DOCK1: variants seen among roughly 807,000 people sequenced by gnomAD.
The protein encoded by DOCK1 is dedicator of cytokinesis protein 1.
Under a neutral mutation model 262.7 loss-of-function variants are expected in DOCK1, and 138 were observed. That is an observed-to-expected ratio of 0.53 (90% CI 0.46 to 0.61). The LOEUF (loss-of-function observed/expected upper bound fraction) is 0.61, where lower values mean the gene tolerates loss of function less well. Among genes scored for constraint, DOCK1 ranks in the 20% least tolerant of loss-of-function variants. The pLI, the probability that DOCK1 is intolerant of heterozygous loss-of-function variation, is 0.00. For missense variants in DOCK1, 1,908 were observed against 2,370.7 expected, an observed-to-expected ratio of 0.80 and a Z score of 4.05; for synonymous variants, 866 against 867.4, an observed-to-expected ratio of 1.00 and a Z score of 0.03.
intron 27 of DOCK1, among the ~76,000 whole-genome samples, chr10:127,184,452 C>T (rs1232846563): frequency 6.6e-6 from 1 of 151,934 alleles, no homozygotes; most frequent in Non-Finnish European, 1.5e-5. Context: ...TCATAACTCT[C>T]CTGCCCTCAG....
chr10:126,986,482 C>A (rs1403516609), intron 4 of DOCK1, among the ~76,000 whole-genome samples: 3 of 152,194 alleles, frequency 2.0e-5, no homozygotes, highest in Non-Finnish European at 4.4e-5. Context: ...ACTACACCAG[C>A]CACAAATTCA....
intron 27 of DOCK1, among the ~76,000 whole-genome samples, chr10:127,184,462 G>A (rs983864473): frequency 6.6e-6 from 1 of 151,560 alleles, no homozygotes; most frequent in Non-Finnish European, 1.5e-5. Context: ...CCTGCCCTCA[G>A]CTCTCCATTC....
intron 16 of DOCK1, 70 bp from the exon 17 acceptor site, chr10:127,031,580 G>A: frequency 1.6e-6 from 2 of 1,231,002 alleles, no homozygotes; most frequent in African/African-American, 1.5e-5. Flanking sequence ...AGCCTTTGTA[G>A]CTTCTTATAA....
chr10:127,283,418 T>C (rs1015874001), intron 29 of DOCK1, among the ~76,000 whole-genome samples: 4 of 152,222 alleles, frequency 2.6e-5, no homozygotes, highest in African/African-American at 9.6e-5. Flanking sequence ...AGGCACACTG[T>C]CTGATCCAAC....
chr10:127,433,990 A>G (rs11595464), intron 48 of DOCK1, among the ~76,000 whole-genome samples: 22,289 of 151,960 alleles, frequency 0.15, 2,267 homozygotes, highest in African/African-American at 0.28. Context: ...CTGGCCAAGC[A>G]CTTTGTACTT....
intron 29 of DOCK1, among the ~76,000 whole-genome samples, chr10:127,299,656 T>C (rs1388312393): frequency 6.6e-6 from 1 of 152,176 alleles, no homozygotes; most frequent in Non-Finnish European, 1.5e-5. Flanking sequence ...AGAATAACTT[T>C]ATATTGCTTT....
At chr10:127,194,700 C>T (rs1244923010) in intron 27 of DOCK1, among the ~76,000 whole-genome samples, 1 of 152,154 alleles carries the variant, frequency 6.6e-6, no homozygotes, top group Non-Finnish European at 1.5e-5. Context: ...AAAGGTAACC[C>T]TCTAGCAAGT....
chr10:127,089,938 CATTT>C (rs66563574), intron 23 of DOCK1, among the ~76,000 whole-genome samples: 32,502 of 151,938 alleles, frequency 0.21, 4,883 homozygotes, highest in African/African-American at 0.43. Context: ...ATTTTTAAAA[CATTT>C]ATTAGTTTGG....
intron 15 of DOCK1, chr10:127,025,188 C>T (rs937498252): frequency 6.5e-6 from 1 of 154,820 alleles, no homozygotes; most frequent in Non-Finnish European, 1.4e-5. Context: ...GCAGCGTGCT[C>T]ACATCTCCAC....
chr10:127,148,056 A>G (rs942292749), intron 27 of DOCK1, among the ~76,000 whole-genome samples: 20 of 148,052 alleles, frequency 1.4e-4, no homozygotes, highest in African/African-American at 5.2e-4. Context: ...AAAAAAAAAA[A>G]AAATTCCACC....
intron 1 of DOCK1, among the ~76,000 whole-genome samples, chr10:126,948,449 G>A: frequency 6.6e-6 from 1 of 151,742 alleles, no homozygotes; most frequent in Non-Finnish European, 1.5e-5. Flanking sequence ...ACTGCTGGTG[G>A]TGATTGTGTT....
chr10:127,305,442 A>G (rs565745971), intron 29 of DOCK1, among the ~76,000 whole-genome samples: 1 of 152,288 alleles, frequency 6.6e-6, no homozygotes, highest in Non-Finnish European at 1.5e-5. Context: ...ATCTTGTCTG[A>G]GGATTTTTGT....
chr10:127,111,313 A>G (rs2048849022), intron 25 of DOCK1, among the ~76,000 whole-genome samples: 2 of 152,194 alleles, frequency 1.3e-5, no homozygotes, highest in Admixed American at 6.5e-5. Context: ...TGTTGACTTC[A>G]TTTAGGTGAG....
chr10:127,422,477 A>T (rs902291850), intron 46 of DOCK1, among the ~76,000 whole-genome samples: 1 of 152,004 alleles, frequency 6.6e-6, no homozygotes, highest in Non-Finnish European at 1.5e-5. Flanking sequence ...TTTATCTTTT[A>T]AGTAATAGCC....
chr10:126,924,150 G>T (rs1189843382), intron 1 of DOCK1, among the ~76,000 whole-genome samples: 1 of 151,998 alleles, frequency 6.6e-6, no homozygotes, highest in African/African-American at 2.4e-5. Flanking sequence ...TGTGAGTGCT[G>T]GAACTGAGCG....
intron 50 of DOCK1, 107 bp downstream of exon 50, chr10:127,444,386 G>A (rs140639361): frequency 2.2e-6 from 3 of 1,353,884 alleles, no homozygotes; most frequent in Non-Finnish European, 3.0e-6. Context: ...GCAGCAGAGG[G>A]TGGGAGTTTA....
rs71032534 is a variant in DOCK1, at chr10:127,045,200, TAAAAAA to T, written c.2201+2056_2201+2061del. Among the ~76,000 whole-genome samples the T allele has an allele frequency of 4.7e-3, 383 of 82,086 alleles. 2 individuals carry two copies. The highest frequency in any genetic ancestry group is 0.021 in the Middle Eastern group (2 of 94). 53.9% of individuals were successfully genotyped at this position (82,086 alleles called of 152,430 possible). ...GCTACAGATCAAGACTCTGTCTCAA[TAAAAAA>T]AAAAAAAAAAAAAAAAAAAGGATCC... On this transcript the variant is annotated intron_variant, in intron 21 of 51. Coordinates refer to ENST00000623213, the MANE Select transcript of DOCK1 (RefSeq NM_001290223.2).
At chr10:127,068,800 TACAC>T (rs142740686) in intron 23 of DOCK1, among the ~76,000 whole-genome samples, 7 of 151,632 alleles carry the variant, frequency 4.6e-5, no homozygotes, top group Non-Finnish European at 1.0e-4. Flanking sequence ...CTCATGTGTA[TACAC>T]ACACACACAC....
At chr10:127,081,131 T>G (rs1450591467) in intron 23 of DOCK1, among the ~76,000 whole-genome samples, 3 of 152,178 alleles carry the variant, frequency 2.0e-5, no homozygotes, top group African/African-American at 7.2e-5. Flanking sequence ...ACGATTTTCT[T>G]AGATGAGCAG....
Sources: gnomAD v4.1 joint callset for allele counts (sites outside exome capture counted in the v4.1 genomes callset) on GRCh38, gnomAD v4.1.1 for gene constraint, MANE v1.5 for transcripts, NCBI Gene and HGNC (gene_info 2026-07-23, HGNC 2026-07-21) for gene names.